Variants in CLNK observed in about 807,000 individuals in gnomAD.
The protein encoded by CLNK is cytokine-dependent hematopoietic cell linker.
In CLNK, 74 loss-of-function variants were observed where a neutral mutation model predicts 68.6. That is an observed-to-expected ratio of 1.08 (90% CI 0.89 to 1.31). The LOEUF (loss-of-function observed/expected upper bound fraction) is 1.31, where lower values mean the gene tolerates loss of function less well. CLNK is among the 50% of genes most tolerant of loss of function. The probability of loss-of-function intolerance (pLI) is 0.00; values close to 1 mark genes in which losing one functional copy is unlikely to be tolerated. For missense variants in CLNK, 553 were observed against 515.3 expected, an observed-to-expected ratio of 1.07 and a Z score of -0.71; for synonymous variants, 198 against 172.2, an observed-to-expected ratio of 1.15 and a Z score of -1.17.
At chr4:10,544,518 T>C (rs1719150564) in intron 8 of CLNK, among the ~76,000 whole-genome samples, 1 of 152,132 alleles carries the variant, frequency 6.6e-6, no homozygotes, top group Non-Finnish European at 1.5e-5. Flanking sequence ...TAAAGCAGAT[T>C]GGAGGACAGC....
Position 10,508,879 on chromosome 4 carries a change from C to T in CLNK, c.907-843G>A, listed in dbSNP as rs971506754. 1.4e-4 allele frequency among the ~76,000 whole-genome samples: 21 copies of T among 152,166 alleles called. 1 individual carries two copies. The highest frequency in any genetic ancestry group is 1.2e-3 in the South Asian group (6 of 4,816). Reference sequence around the variant, plus strand: ...ATCCCAGCACTTTGGGAGGCCAAGGCGGGCGGATCACAAGGTCAGGAGATC... The same window carrying T: ...ATCCCAGCACTTTGGGAGGCCAAGGTGGGCGGATCACAAGGTCAGGAGATC... On this transcript the variant is annotated intron_variant, in intron 16 of 18. Coordinates refer to ENST00000226951, the MANE Select transcript of CLNK (RefSeq NM_052964.4).
At chr4:10,679,018 T>G (rs923486116) in intron 1 of CLNK, among the ~76,000 whole-genome samples, 10 of 152,148 alleles carry the variant, frequency 6.6e-5, no homozygotes, top group Non-Finnish European at 1.2e-4. Context: ...AAAACTACTT[T>G]AAAGTTCATA....
chr4:10,658,086 TG>T (rs1724050160), intron 2 of CLNK, among the ~76,000 whole-genome samples: 1 of 152,200 alleles, frequency 6.6e-6, no homozygotes, highest in Admixed American at 6.5e-5. Context: ...TCTGTGAGGA[TG>T]TCTCCTCTAA....
At chr4:10,581,174 A>G (rs1720765975) in intron 4 of CLNK, among the ~76,000 whole-genome samples, 1 of 152,184 alleles carries the variant, frequency 6.6e-6, no homozygotes, top group Non-Finnish European at 1.5e-5. Flanking sequence ...ACCATGCTAT[A>G]TGGCCTAGGT....
At chr4:10,675,623 A>C (rs1302768163) in intron 1 of CLNK, among the ~76,000 whole-genome samples, 1 of 152,246 alleles carries the variant, frequency 6.6e-6, no homozygotes, top group East Asian at 1.9e-4. Context: ...TAGGGTAAAG[A>C]AATTGTTTTG....
chr4:10,605,847 A>C (rs966581822), intron 2 of CLNK, among the ~76,000 whole-genome samples: 3 of 150,998 alleles, frequency 2.0e-5, no homozygotes, highest in Admixed American at 6.6e-5. Context: ...AAAAAATAGA[A>C]AAAAGAAAAG....
chr4:10,661,914 T>C (rs1383772140), intron 2 of CLNK, among the ~76,000 whole-genome samples: 7 of 152,200 alleles, frequency 4.6e-5, no homozygotes, highest in African/African-American at 1.7e-4. Flanking sequence ...TAACCATGTG[T>C]GGAAGGTAGA....
intron 1 of CLNK, among the ~76,000 whole-genome samples, chr4:10,681,217 G>T (rs895715251): frequency 1.3e-5 from 2 of 152,124 alleles, no homozygotes; most frequent in African/African-American, 4.8e-5. Flanking sequence ...GAGTACACTT[G>T]AACAAAATCA....
rs6448014 is a variant in CLNK at position 10,499,576 on chromosome 4, A to T, written c.1140+1680T>A. Among the ~76,000 whole-genome samples, 4 of 152,346 alleles carry T rather than the reference A, an allele frequency of 2.6e-5. No homozygotes were observed. The East Asian group carries it at 7.7e-4, about 29-fold the overall frequency. ...CCTGAAGCCTGTTGGCAGCCCTAGC[A>T]ATGTGCCCTATTTTGTTATCTGTTG... On this transcript the variant is annotated intron_variant, in intron 18 of 18. Coordinates refer to ENST00000226951, the MANE Select transcript of CLNK (RefSeq NM_052964.4).
At chr4:10,696,009 C>T in the CLNK span, among the ~76,000 whole-genome samples, 5 of 152,178 alleles carry the variant, frequency 3.3e-5, no homozygotes, top group African/African-American at 1.2e-4. Context: ...GTGCCTACCA[C>T]CCTGCCTGGT....
chr4:10,542,371 G>T, intron 8 of CLNK, 91 bp from the exon 9 acceptor site: 1 of 837,026 alleles, frequency 1.2e-6, no homozygotes, highest in Non-Finnish European at 1.9e-6. Flanking sequence ...ATTTTTATTT[G>T]TAATAATATT....
At position 10,537,287 on chromosome 4, in the gene CLNK, G is replaced by C. The variant is rs191419456; in HGVS notation, c.602+3207C>G. Among the ~76,000 whole-genome samples, 429 of 152,270 alleles carry C rather than the reference G, an allele frequency of 2.8e-3. 2 individuals are homozygous for C. The highest frequency in any genetic ancestry group is 6.8e-3 in the Middle Eastern group (2 of 294). On this transcript the variant is annotated intron_variant, in intron 11 of 18. Transcript: ENST00000226951. ...GAGGTCAGGAGTTCGAGACCAGCCTGACCAACATGGTAAAACCTCATCTCT... is the reference window on the plus strand; with the variant it reads ...GAGGTCAGGAGTTCGAGACCAGCCTCACCAACATGGTAAAACCTCATCTCT...
chr4:10,716,810 C>T, the CLNK span, among the ~76,000 whole-genome samples: 1 of 151,428 alleles, frequency 6.6e-6, no homozygotes, highest in Non-Finnish European at 1.5e-5. Context: ...TCTCCTGCCC[C>T]AGCCTCCCAA....
At chr4:10,648,742 T>C (rs773062074) in intron 2 of CLNK, among the ~76,000 whole-genome samples, 2 of 152,178 alleles carry the variant, frequency 1.3e-5, no homozygotes, top group East Asian at 1.9e-4. Context: ...TTCCCCTTTG[T>C]TCCATTCTTC....
chr4:10,684,206 G>C (rs1393416936), intron 1 of CLNK, among the ~76,000 whole-genome samples: 1 of 152,132 alleles, frequency 6.6e-6, no homozygotes, highest in Non-Finnish European at 1.5e-5. Flanking sequence ...CTACACCAAA[G>C]CAGAAAGAAA....
chr4:10,692,965 G>A, the CLNK span, among the ~76,000 whole-genome samples: 1 of 152,220 alleles, frequency 6.6e-6, no homozygotes, highest in Non-Finnish European at 1.5e-5. Context: ...TGCATTGAGA[G>A]ATTGTTTTAT....
At chr4:10,719,013 C>T in the CLNK span, among the ~76,000 whole-genome samples, 4 of 151,864 alleles carry the variant, frequency 2.6e-5, no homozygotes, top group Non-Finnish European at 4.4e-5. Context: ...CTAGAGCAAG[C>T]ACTAAAAATA....
chr4:10,566,722 G>A (rs1720129408), intron 5 of CLNK, among the ~76,000 whole-genome samples: 1 of 152,228 alleles, frequency 6.6e-6, no homozygotes, highest in African/African-American at 2.4e-5. Context: ...GGTGGCTCAT[G>A]CTTGTAATCC....
intron 15 of CLNK, among the ~76,000 whole-genome samples, chr4:10,519,777 G>A (rs1478035694): frequency 6.6e-6 from 1 of 152,150 alleles, no homozygotes; most frequent in Non-Finnish European, 1.5e-5. Flanking sequence ...AGCAAAAAAG[G>A]ACATTAAAAT....
Sources: allele counts gnomAD v4.1 joint callset (sites outside exome capture counted in the v4.1 genomes callset), GRCh38; gene constraint gnomAD v4.1.1; transcripts MANE v1.5; gene names NCBI Gene and HGNC (gene_info 2026-07-23, HGNC 2026-07-21).